Variants in CHUK observed in about 807,000 individuals in gnomAD.
The protein encoded by CHUK is inhibitor of nuclear factor kappa-B kinase subunit alpha.
A neutral mutation model predicts 104.8 loss-of-function variants in CHUK; 35 were observed. The observed-to-expected ratio is 0.33, with a 90% CI of 0.26 to 0.44. CHUK has a LOEUF of 0.44. Among genes scored for constraint, CHUK ranks in the 20% least tolerant of loss-of-function variants. The probability of loss-of-function intolerance (pLI) is 1.00; values close to 1 mark genes in which losing one functional copy is unlikely to be tolerated. For missense variants in CHUK, 663 were observed against 902.7 expected (o/e 0.73, Z 3.40); for synonymous variants, 276 against 291.9 (o/e 0.95, Z 0.56).
At chr10:100,200,875 C>T (rs1845445883) in intron 14 of CHUK, 95 bp from the exon 15 acceptor site, 1 of 752,314 alleles carries the variant, frequency 1.3e-6, no homozygotes, top group East Asian at 2.5e-5. Context: ...TGACTTGCTG[C>T]TTCATTAGAG....
rs1272902054 is a variant in CHUK at position 100,194,110 on chromosome 10, CTGCTT to C, written c.1843_1847del (p.Lys615GlufsTer4). On this transcript the variant is annotated frameshift_variant, in exon 18 of 21. Transcript: ENST00000370397. LOFTEE classifies it high-confidence loss of function. ...CCTTAGGGAGTAGATCAATAATCTTCTGCTTACAGCCCAACAACTTGCTGGAGAGA... is the reference window on the plus strand; with the variant it reads ...CCTTAGGGAGTAGATCAATAATCTTCACAGCCCAACAACTTGCTGGAGAGA... The C allele has an allele frequency of 5.0e-6, 8 of 1,613,592 alleles. No homozygotes were observed. Among genetic ancestry groups the C allele is most frequent in the African/African-American group, 1.3e-5 (1 of 74,924 alleles).
intron 13 of CHUK, among the ~76,000 whole-genome samples, chr10:100,204,174 G>C (rs1469070892): frequency 2.6e-5 from 4 of 152,134 alleles, no homozygotes; most frequent in African/African-American, 9.7e-5. Context: ...TGTATTTTGG[G>C]GGGGATACAT....
intron 6 of CHUK, 38 bp from the exon 7 acceptor site, chr10:100,219,170 T>G: frequency 6.2e-7 from 1 of 1,608,260 alleles, no homozygotes; most frequent in Non-Finnish European, 8.5e-7. Context: ...CAACACTGTA[T>G]GGGAAAAGCT....
At chr10:100,210,087 ATTTATTTT>A (rs1282142858) in intron 9 of CHUK, among the ~76,000 whole-genome samples, 10,861 of 129,398 alleles carry the variant, frequency 0.084, 553 homozygotes, top group Non-Finnish European at 0.12. Flanking sequence ...TTATTTATTT[ATTTATTTT>A]TTTTTTTTTT....
chr10:100,199,000 C>T (rs763517004), intron 16 of CHUK, among the ~76,000 whole-genome samples: 1 of 152,120 alleles, frequency 6.6e-6, no homozygotes, highest in East Asian at 1.9e-4. Flanking sequence ...AATATACTCA[C>T]TGAGTAGGAA....
intron 9 of CHUK, among the ~76,000 whole-genome samples, chr10:100,211,779 T>G (rs1845733604): frequency 1.3e-5 from 2 of 152,328 alleles, no homozygotes; most frequent in Middle Eastern, 6.8e-3. Context: ...TTGTGAATAA[T>G]GCTGCAATGA....
intron 18 of CHUK, chr10:100,193,697 G>A (rs751193170): frequency 1.7e-6 from 1 of 593,814 alleles, no homozygotes; most frequent in Non-Finnish European, 3.0e-6. Context: ...TGAATAGATG[G>A]TCAATTTCAT....
intron 2 of CHUK, among the ~76,000 whole-genome samples, chr10:100,225,205 T>G (rs1484656232): frequency 6.6e-6 from 1 of 152,194 alleles, no homozygotes; most frequent in Non-Finnish European, 1.5e-5. Flanking sequence ...ACAAAACTGT[T>G]TAATTCTGCA....
rs1554897588 is a variant in CHUK, at chr10:100,210,094, T to TATTTA, written c.934-306_934-305insTAAAT. On this transcript the variant is annotated intron_variant, in intron 9 of 20. Transcript: ENST00000370397. ...TTATTTATTTATTTATTTATTTATTTTTTTTTTTTTTGAGACGGAGTCTCG... is the reference window on the plus strand; with the variant it reads ...TTATTTATTTATTTATTTATTTATTTATTTATTTTTTTTTTTGAGACGGAGTCTCG... 2.7e-3 allele frequency among the ~76,000 whole-genome samples: 284 copies of TATTTA among 105,864 alleles called. 3 individuals carry two copies. Among genetic ancestry groups the TATTTA allele is most frequent in the African/African-American group, 8.7e-3 (269 of 30,776 alleles). 69.5% of individuals were successfully genotyped at this position (105,864 alleles called of 152,430 possible).
At chr10:100,217,743 G>A (rs1845891021) in intron 9 of CHUK, among the ~76,000 whole-genome samples, 2 of 152,104 alleles carry the variant, frequency 1.3e-5, no homozygotes, top group Admixed American at 6.6e-5. Flanking sequence ...TGGGCATGGT[G>A]GTGCACACCT....
At chr10:100,200,162 G>A in intron 15 of CHUK, 142 bp from the exon 16 acceptor site, 1 of 755,770 alleles carries the variant, frequency 1.3e-6, no homozygotes, top group Non-Finnish European at 2.4e-6. Flanking sequence ...ACAGAGCATT[G>A]TATTGAGTAA....
chr10:100,208,798 T>A (rs1347991186), intron 10 of CHUK, among the ~76,000 whole-genome samples: 26 of 79,294 alleles, frequency 3.3e-4, no homozygotes, highest in Non-Finnish European at 3.2e-4. Context: ...AAAAAAAAAC[T>A]GGAAGAGCCA....
At chr10:100,202,854 C>T (rs1845502633) in intron 13 of CHUK, among the ~76,000 whole-genome samples, 1 of 152,078 alleles carries the variant, frequency 6.6e-6, no homozygotes, top group African/African-American at 2.4e-5. Flanking sequence ...ACCTCTATCT[C>T]CAGGGCTCAA....
intron 19 of CHUK, chr10:100,192,468 G>T: frequency 3.0e-6 from 1 of 333,532 alleles, no homozygotes; most frequent in Non-Finnish European, 4.3e-6. Context: ...CCTGATATCA[G>T]CTTGCCTTCC....
intron 9 of CHUK, among the ~76,000 whole-genome samples, chr10:100,212,348 G>A: frequency 6.6e-6 from 1 of 152,154 alleles, no homozygotes; most frequent in African/African-American, 2.4e-5. Context: ...GGTGGGGGGT[G>A]ATATCTTAGT....
downstream of CHUK, chr10:100,187,630 A>G (rs373791223): frequency 2.4e-4 from 37 of 152,304 alleles, no homozygotes; most frequent in East Asian, 4.2e-3. Context: ...TTACCCACCA[A>G]AAAATAGTGG....
At chr10:100,203,166 C>T (rs1845509693) in intron 13 of CHUK, among the ~76,000 whole-genome samples, 2 of 152,120 alleles carry the variant, frequency 1.3e-5, no homozygotes, top group South Asian at 4.1e-4. Context: ...CTCAAGGGAC[C>T]TTACTATGAT....
In CHUK at chr10:100,197,613, G is replaced by A. The variant is rs74600450; in HGVS notation, c.1729+2358C>T. ...AACAAACAAAAAAACCTATATTTAC[G>A]TTTTCTCTCTCTCCTATATTTAGGT... On this transcript the variant is annotated intron_variant, in intron 16 of 20. Transcript: ENST00000370397. Among the ~76,000 whole-genome samples the A allele has an allele frequency of 1.4e-3, 220 of 152,130 alleles. 9 individuals carry two copies. In the East Asian group the frequency reaches 0.039, roughly 27 times the overall value.
chr10:100,189,925 C>T (rs967745814), intron 20 of CHUK: 3 of 304,200 alleles, frequency 9.9e-6, no homozygotes, highest in African/African-American at 2.2e-5. Flanking sequence ...TAATGCACTG[C>T]AGCCTTGAAC....
Sources: gnomAD v4.1 joint callset for allele counts (sites outside exome capture counted in the v4.1 genomes callset) on GRCh38, gnomAD v4.1.1 for gene constraint, MANE v1.5 for transcripts, NCBI Gene and HGNC (gene_info 2026-07-23, HGNC 2026-07-21) for gene names.